Variants in RBM33 observed in about 807,000 individuals in gnomAD.
RBM33 encodes the protein RNA binding motif protein 33, also known as RNA-binding protein 33.
RBM33 carries 28 observed loss-of-function variants against 132.6 expected under a neutral mutation model. The observed-to-expected ratio is 0.21, with a 90% CI of 0.16 to 0.29. The LOEUF (loss-of-function observed/expected upper bound fraction) is 0.29. Ranked by LOEUF, RBM33 falls within the 10% of genes least tolerant of loss-of-function variation. The pLI is 1.00. For synonymous variants in RBM33, 634 were observed against 593.0 expected (o/e 1.07, Z -1.01); for missense variants, 1,291 against 1,518.5 (o/e 0.85, Z 2.49).
Position 155,644,745 on chromosome 7 carries a change from C to A in RBM33, c.-132C>A. The A allele has an allele frequency of 2.9e-6, 2 of 687,344 alleles. No individual in the cohort carries two copies. Among genetic ancestry groups the A allele is most frequent in the Non-Finnish European group, 4.4e-6 (2 of 450,432 alleles). The allele number at this position is 687,344 out of a possible 1,614,324, so 42.6% of individuals were successfully genotyped here. A position where few individuals can be genotyped will look rare whatever the true frequency, so the allele number is the denominator to read the frequency against. On this transcript the variant is annotated 5_prime_UTR_variant, in exon 1 of 18. Transcript: ENST00000401878. ...GGCCAGCTGTGGACCGCGAAGCGCCCGGCTTCGCCTCTGCCTCCTGCAGCC... is the reference window on the plus strand; with the variant it reads ...GGCCAGCTGTGGACCGCGAAGCGCCAGGCTTCGCCTCTGCCTCCTGCAGCC...
At position 155,779,344 on chromosome 7, in the gene RBM33, G is replaced by A. The variant is rs1443684043; in HGVS notation, c.*4303G>A. ...AGTGTGTGCAGGGCAGGAAAGGTTCGGAGGCACCCGACTACCACCACTCGG... is the reference window on the plus strand; with the variant it reads ...AGTGTGTGCAGGGCAGGAAAGGTTCAGAGGCACCCGACTACCACCACTCGG... On this transcript the variant is annotated 3_prime_UTR_variant, in exon 18 of 18. Transcript: ENST00000401878. 2 of 152,094 alleles carry A rather than the reference G, an allele frequency of 1.3e-5. No homozygotes were observed. The highest frequency in any genetic ancestry group is 1.9e-4 in the East Asian group (1 of 5,194). The allele number at this position is 152,094 out of a possible 1,614,324, so 9.4% of individuals were successfully genotyped here.
chr7:155,708,736 C>G (rs576874504), intron 7 of RBM33, among the ~76,000 whole-genome samples: 1 of 152,120 alleles, frequency 6.6e-6, no homozygotes. Flanking sequence ...GCAATAGTCT[C>G]GTCTTTGCTA....
intron 1 of RBM33, among the ~76,000 whole-genome samples, chr7:155,662,016 A>T (rs960531249): frequency 2.0e-5 from 3 of 151,986 alleles, no homozygotes; most frequent in Admixed American, 1.3e-4. Flanking sequence ...CCCCTGGGCT[A>T]ATTACTGTTA....
At chr7:155,723,390 C>A (rs1185071105) in intron 9 of RBM33, among the ~76,000 whole-genome samples, 1 of 152,082 alleles carries the variant, frequency 6.6e-6, no homozygotes, top group Non-Finnish European at 1.5e-5. Flanking sequence ...TAGTAGCAGG[C>A]GAATATAGTA....
rs369080111 is a variant in RBM33, at chr7:155,776,080, G to A, written c.*1039G>A. ...GCTTTCTTCCAGCCCCAAATGAGAC[G>A]AGTCTGTGTCATCATTGAAACTGCT... On this transcript the variant is annotated 3_prime_UTR_variant, in exon 18 of 18. Transcript: ENST00000401878. This position sits in a 1 kb window ranked among gnomAD's most constrained non-coding sequence, Gnocchi z 4.0. 1 of 152,378 alleles carries A rather than the reference G, an allele frequency of 6.6e-6. No individual in the cohort carries two copies. Among genetic ancestry groups the A allele is most frequent in the Non-Finnish European group, 1.5e-5 (1 of 68,046 alleles). 9.4% of individuals were successfully genotyped at this position (152,378 alleles called of 1,614,324 possible). A position where few individuals can be genotyped will look rare whatever the true frequency, so the allele number is the denominator to read the frequency against.
chr7:155,732,321 A>G (rs1317506606), intron 9 of RBM33, among the ~76,000 whole-genome samples: 3 of 152,262 alleles, frequency 2.0e-5, no homozygotes, highest in Non-Finnish European at 2.9e-5. Context: ...TGTTAATACA[A>G]TAAAAAAGTT....
intron 5 of RBM33, chr7:155,684,957 G>C (rs969585936): frequency 6.4e-7 from 1 of 1,550,388 alleles, no homozygotes; most frequent in East Asian, 2.4e-5. Flanking sequence ...GCAGGCTTAT[G>C]GTGGGCAACA....
chr7:155,741,143 A>T (rs1214784330), intron 12 of RBM33, among the ~76,000 whole-genome samples: 2 of 152,130 alleles, frequency 1.3e-5, no homozygotes. Context: ...CATTTGTTAG[A>T]ATAATGGTAG....
Position 155,702,455 on chromosome 7 carries a change from G to A in RBM33, c.739+1511G>A, listed in dbSNP as rs1359524105. Among the ~76,000 whole-genome samples, 3 of 152,212 alleles carry A rather than the reference G, an allele frequency of 2.0e-5. No homozygotes were observed. The South Asian group carries it at 6.2e-4, about 32-fold the overall frequency. On this transcript the variant is annotated intron_variant, in intron 6 of 17. Coordinates refer to ENST00000401878, the MANE Select transcript of RBM33 (RefSeq NM_053043.3). ...ATGATATGAAGTTGCCAGTTGAGCT[G>A]AAGCAGATTTCTTAGAAGCATCTTT...
At chr7:155,741,245 G>A (rs902915207) in intron 12 of RBM33, among the ~76,000 whole-genome samples, 7 of 147,678 alleles carry the variant, frequency 4.7e-5, no homozygotes, top group African/African-American at 1.5e-4. Context: ...CAGCTCTCTC[G>A]TGTTCTCTTT....
At chr7:155,712,471 A>C (rs993445185) in intron 8 of RBM33, among the ~76,000 whole-genome samples, 2 of 152,244 alleles carry the variant, frequency 1.3e-5, no homozygotes, top group African/African-American at 4.8e-5. Flanking sequence ...ATTATTGTTT[A>C]TTAGCAGTAA....
intron 14 of RBM33, among the ~76,000 whole-genome samples, chr7:155,754,561 G>C (rs1327607019): frequency 6.6e-6 from 1 of 152,178 alleles, no homozygotes. Context: ...TTTTTAGACT[G>C]GTAGATTTGT....
chr7:155,691,555 A>G (rs1486913032), intron 5 of RBM33, among the ~76,000 whole-genome samples: 1 of 152,056 alleles, frequency 6.6e-6, no homozygotes, highest in South Asian at 2.1e-4. Context: ...TATTTGTAGC[A>G]TATCTTAAAA....
At chr7:155,698,263 AG>A (rs1199817723) in intron 5 of RBM33, among the ~76,000 whole-genome samples, 10 of 152,140 alleles carry the variant, frequency 6.6e-5, no homozygotes, top group Non-Finnish European at 1.2e-4. Context: ...GCTACTCGGG[AG>A]GCTGAAGCAG....
At chr7:155,768,656 G>A (rs1802302813) in intron 16 of RBM33, among the ~76,000 whole-genome samples, 1 of 152,190 alleles carries the variant, frequency 6.6e-6, no homozygotes, top group Admixed American at 6.5e-5. Context: ...TCGCTCTGTC[G>A]CCCAGGCTGG....
At chr7:155,766,821 G>T in intron 16 of RBM33, 166 bp downstream of exon 16, 1 of 675,190 alleles carries the variant, frequency 1.5e-6, no homozygotes. Flanking sequence ...CAGAACATTT[G>T]CCTCAAACGT....
intron 5 of RBM33, among the ~76,000 whole-genome samples, chr7:155,691,401 C>T (rs143521015): frequency 7.4e-4 from 112 of 152,206 alleles, no homozygotes; most frequent in African/African-American, 2.4e-3. Flanking sequence ...AGCTTCTTTG[C>T]GATGGGTTCG....
chr7:155,701,425 C>T (rs1275870862), intron 6 of RBM33: 2 of 165,366 alleles, frequency 1.2e-5, no homozygotes, highest in African/African-American at 2.4e-5. Flanking sequence ...CAAGTTGACT[C>T]GTTTATAGAA....
At chr7:155,756,595 C>T (rs1475333292) in intron 14 of RBM33, among the ~76,000 whole-genome samples, 3 of 152,114 alleles carry the variant, frequency 2.0e-5, no homozygotes, top group African/African-American at 4.8e-5. Flanking sequence ...TCACTCCTCT[C>T]GTGGTGCACT....
Sources: allele counts gnomAD v4.1 joint callset (sites outside exome capture counted in the v4.1 genomes callset), GRCh38; gene constraint gnomAD v4.1.1; non-coding constraint Gnocchi (gnomAD v3.1); transcripts MANE v1.5; gene names NCBI Gene and HGNC (gene_info 2026-07-23, HGNC 2026-07-21).